PPP1R9A: variants seen among roughly 807,000 people sequenced by gnomAD.
PPP1R9A encodes the protein neurabin-1.
A neutral mutation model predicts 141.9 loss-of-function variants in PPP1R9A; 59 were observed. The ratio of observed to expected loss-of-function variants is 0.42; its 90% confidence interval spans 0.34 to 0.52. PPP1R9A has a LOEUF of 0.52. PPP1R9A is among the 20% of genes least tolerant of loss of function. The pLI, the probability that PPP1R9A is intolerant of heterozygous loss-of-function variation, is 0.10. For synonymous variants in PPP1R9A, 500 were observed against 569.7 expected (o/e 0.88, Z 1.74); for missense variants, 1,444 against 1,611.9 (o/e 0.90, Z 1.78).
chr7:95,029,974 C>G (rs1219633052), intron 2 of PPP1R9A, among the ~76,000 whole-genome samples: 2 of 152,160 alleles, frequency 1.3e-5, no homozygotes, highest in East Asian at 1.9e-4. Context: ...TACTAGGGCT[C>G]TCGCCTTTGC....
In PPP1R9A at chr7:95,196,093, A is replaced by G. The variant is rs79104168; in HGVS notation, c.1755-2256A>G. ...TACGTGTGTGTGTGTGTGTGTGTGT[A>G]TGTGTATTTTTGTCTATAAAGAACA... On this transcript the variant is annotated intron_variant, in intron 5 of 19. Coordinates refer to ENST00000433360, the MANE Select transcript of PPP1R9A (RefSeq NM_001166160.2). Among the ~76,000 whole-genome samples the G allele has an allele frequency of 5.2e-3, 688 of 131,654 alleles. 3 individuals carry two copies. Among genetic ancestry groups the G allele is most frequent in the African/African-American group, 0.018 (617 of 33,852 alleles). 86.4% of individuals were successfully genotyped at this position (131,654 alleles called of 152,430 possible).
chr7:95,216,491 A>G (rs1159589046), intron 7 of PPP1R9A, among the ~76,000 whole-genome samples: 2 of 152,110 alleles, frequency 1.3e-5, no homozygotes, highest in Non-Finnish European at 2.9e-5. Context: ...AGTTTTTTCC[A>G]GTTCTGTGAA....
At chr7:95,234,017 G>A (rs1270570118) in intron 8 of PPP1R9A, among the ~76,000 whole-genome samples, 1 of 152,112 alleles carries the variant, frequency 6.6e-6, no homozygotes, top group African/African-American at 2.4e-5. Context: ...AATAGGCATA[G>A]AAGAGACATA....
intron 15 of PPP1R9A, 35 bp downstream of exon 15, chr7:95,274,021 G>A (rs778221260): frequency 2.7e-6 from 4 of 1,497,530 alleles, no homozygotes; most frequent in African/African-American, 1.4e-5. Flanking sequence ...AAAGCCCTCT[G>A]TAAAAGGAGG....
At chr7:94,973,801 C>T (rs1440692858) in intron 2 of PPP1R9A, among the ~76,000 whole-genome samples, 4 of 151,364 alleles carry the variant, frequency 2.6e-5, no homozygotes, top group Non-Finnish European at 4.4e-5. Flanking sequence ...TCACTGTTGC[C>T]TCAACCTCAA....
At chr7:95,208,453 G>A (rs553550594) in intron 7 of PPP1R9A, among the ~76,000 whole-genome samples, 1 of 152,302 alleles carries the variant, frequency 6.6e-6, no homozygotes, top group Non-Finnish European at 1.5e-5. Flanking sequence ...AGCTGGGTGT[G>A]GTGGCTTATG....
chr7:95,005,660 A>C (rs1803491886), intron 2 of PPP1R9A, among the ~76,000 whole-genome samples: 1 of 152,198 alleles, frequency 6.6e-6, no homozygotes, highest in Admixed American at 6.5e-5. Context: ...TATATGTTGT[A>C]AAAGTGATAT....
intron 2 of PPP1R9A, among the ~76,000 whole-genome samples, chr7:94,917,092 A>G (rs1352688559): frequency 8.5e-5 from 13 of 152,238 alleles, no homozygotes; most frequent in Admixed American, 8.5e-4. Context: ...CTGAGATTAT[A>G]GGCGTGAACC....
chr7:95,010,992 C>T (rs574901694), intron 2 of PPP1R9A, among the ~76,000 whole-genome samples: 3 of 152,196 alleles, frequency 2.0e-5, no homozygotes, highest in African/African-American at 7.2e-5. Context: ...TGACAGAATG[C>T]AGTCTGAGAG....
At chr7:95,268,431 G>A in intron 12 of PPP1R9A, 119 bp from the exon 13 acceptor site, 1 of 1,079,124 alleles carries the variant, frequency 9.3e-7, no homozygotes. Flanking sequence ...GGCTGTCATG[G>A]TGGTCACCTG....
intron 4 of PPP1R9A, among the ~76,000 whole-genome samples, chr7:95,141,768 T>C (rs1014592251): frequency 5.3e-5 from 8 of 152,202 alleles, no homozygotes; most frequent in African/African-American, 1.9e-4. Flanking sequence ...TTATTCATTT[T>C]GATATTAGTT....
chr7:94,985,666 G>A (rs1308272838), intron 2 of PPP1R9A, among the ~76,000 whole-genome samples: 1 of 149,274 alleles, frequency 6.7e-6, no homozygotes, highest in Admixed American at 6.7e-5. Flanking sequence ...ATTTTTTTTT[G>A]CTTTCCATTT....
intron 2 of PPP1R9A, among the ~76,000 whole-genome samples, chr7:95,019,302 G>T (rs1369056340): frequency 6.6e-6 from 1 of 152,174 alleles, no homozygotes; most frequent in Admixed American, 6.5e-5. Flanking sequence ...AGAATCAATT[G>T]AACCCATGAG....
chr7:95,186,822 G>C, intron 5 of PPP1R9A, among the ~76,000 whole-genome samples: 1 of 152,070 alleles, frequency 6.6e-6, no homozygotes, highest in Admixed American at 6.6e-5. Context: ...TTATTGACTT[G>C]TATATATTAA....
chr7:95,205,316 C>G (rs573656526), intron 7 of PPP1R9A, among the ~76,000 whole-genome samples: 2 of 152,060 alleles, frequency 1.3e-5, no homozygotes, highest in Non-Finnish European at 2.9e-5. Flanking sequence ...TACGAAATAC[C>G]AAATAAACTT....
intron 14 of PPP1R9A, among the ~76,000 whole-genome samples, chr7:95,269,880 A>G (rs1157877693): frequency 6.6e-6 from 1 of 152,222 alleles, no homozygotes; most frequent in African/African-American, 2.4e-5. Flanking sequence ...AGTTTCAGTA[A>G]ACACTAACGT....
At chr7:95,206,318 T>C (rs1019166107) in intron 7 of PPP1R9A, among the ~76,000 whole-genome samples, 1 of 152,200 alleles carries the variant, frequency 6.6e-6, no homozygotes, top group Non-Finnish European at 1.5e-5. Flanking sequence ...AAACTCTAAT[T>C]GATTTCTGAA....
intron 2 of PPP1R9A, among the ~76,000 whole-genome samples, chr7:95,104,817 A>G (rs538951113): frequency 7.2e-5 from 11 of 152,344 alleles, no homozygotes; most frequent in Admixed American, 2.6e-4. Flanking sequence ...ATATGTGGCT[A>G]TCTTCTCCAG....
intron 4 of PPP1R9A, among the ~76,000 whole-genome samples, chr7:95,150,433 G>C (rs552310637): frequency 6.6e-6 from 1 of 151,488 alleles, no homozygotes; most frequent in Admixed American, 6.6e-5. Context: ...CTCCTGAGTA[G>C]CTGGGATTAT....
Sources: allele counts gnomAD v4.1 joint callset (sites outside exome capture counted in the v4.1 genomes callset), GRCh38; gene constraint gnomAD v4.1.1; transcripts MANE v1.5; gene names NCBI Gene and HGNC (gene_info 2026-07-23, HGNC 2026-07-21).